SLIT3: variants seen among roughly 807,000 people sequenced by gnomAD.
SLIT3 encodes the protein slit homolog 3 protein.
In SLIT3, 68 loss-of-function variants were observed where a neutral mutation model predicts 184.0. The ratio of observed to expected loss-of-function variants is 0.37; its 90% CI spans 0.30 to 0.45. SLIT3 has a LOEUF of 0.45. Among genes scored for constraint, SLIT3 ranks in the 20% least tolerant of loss-of-function variants. The probability of loss-of-function intolerance (pLI) is 1.00; values close to 1 mark genes in which losing one functional copy is unlikely to be tolerated. For synonymous variants in SLIT3, 831 were observed against 828.6 expected, an observed-to-expected ratio of 1.00 and a Z score of -0.05; for missense variants, 1,707 against 2,026.0, an observed-to-expected ratio of 0.84 and a Z score of 3.02.
intron 13 of SLIT3, 62 bp from the exon 14 acceptor site, chr5:168,773,006 AC>A: frequency 6.7e-7 from 1 of 1,490,714 alleles, no homozygotes; most frequent in Non-Finnish European, 9.0e-7. Flanking sequence ...CACCACCACC[AC>A]CCTGCCTCGC....
chr5:168,850,844 A>G (rs534457300), intron 5 of SLIT3, among the ~76,000 whole-genome samples: 3 of 152,328 alleles, frequency 2.0e-5, no homozygotes, highest in Admixed American at 1.3e-4. Context: ...AATAATGCAA[A>G]CAGCGATGAT....
At chr5:168,967,029 T>C (rs374960937) in intron 4 of SLIT3, among the ~76,000 whole-genome samples, 1 of 152,150 alleles carries the variant, frequency 6.6e-6, no homozygotes, top group Non-Finnish European at 1.5e-5. Context: ...CTTTGGATGA[T>C]GGAAAAAATT....
rs763694667 is a variant in SLIT3 at position 168,666,769 on chromosome 5, T to G, written c.4337-80A>C. 3.1e-6 allele frequency: 5 copies of G among 1,599,634 alleles called. No individual in the cohort carries two copies. In the African/African-American group the frequency reaches 6.7e-5, roughly 21 times the overall value. Reference sequence around the variant, plus strand: ...TGAGCAGTTCCCAGGTAGGCTGCTTTGAAATACTTGTGCTCTGAAGACTGT... The same window carrying G: ...TGAGCAGTTCCCAGGTAGGCTGCTTGGAAATACTTGTGCTCTGAAGACTGT... On this transcript the variant is annotated intron_variant, in intron 35 of 35. Transcript: ENST00000519560.
At chr5:168,919,732 A>C (rs576114076) in intron 4 of SLIT3, among the ~76,000 whole-genome samples, 13 of 152,286 alleles carry the variant, frequency 8.5e-5, no homozygotes, top group Non-Finnish European at 1.6e-4. Context: ...GTTACACTTT[A>C]GTCTTTTCTT....
intron 4 of SLIT3, among the ~76,000 whole-genome samples, chr5:168,962,441 A>G (rs551791731): frequency 2.0e-5 from 3 of 151,998 alleles, no homozygotes; most frequent in Non-Finnish European, 2.9e-5. Context: ...CTCTTGCTCT[A>G]TTTTAGGAGA....
chr5:168,666,270 T>A lies in SLIT3; in HGVS notation c.*184A>T, dbSNP rs1761038477. On this transcript the variant is annotated 3_prime_UTR_variant, in exon 36 of 36. Coordinates refer to ENST00000519560, the MANE Select transcript of SLIT3 (RefSeq NM_003062.4). The stretch of plus-strand genomic sequence containing the variant: ...TTTATATAATAAAAGATGAAAATAG[T>A]CACTTTCCATAATAAAAATAAGTTC... 3.9e-6 allele frequency: 2 copies of A among 509,164 alleles called. No homozygotes were observed. The highest frequency in any genetic ancestry group is 6.6e-6 in the Non-Finnish European group (2 of 302,646). 31.5% of individuals were successfully genotyped at this position (509,164 alleles called of 1,614,324 possible). A position where few individuals can be genotyped will look rare whatever the true frequency, so the allele number is the denominator to read the frequency against.
intron 2 of SLIT3, among the ~76,000 whole-genome samples, chr5:169,248,738 C>T (rs1765679665): frequency 6.6e-6 from 1 of 152,100 alleles, no homozygotes; most frequent in African/African-American, 2.4e-5. Flanking sequence ...AAAGCTGGCT[C>T]CCACATTGTG....
chr5:168,849,073 T>A (rs1758583148), intron 5 of SLIT3, among the ~76,000 whole-genome samples: 1 of 152,180 alleles, frequency 6.6e-6, no homozygotes, highest in East Asian at 1.9e-4. Flanking sequence ...GAATTTTTTT[T>A]AAATTCAGGA....
chr5:168,735,247 GA>G (rs1300581394), intron 20 of SLIT3, among the ~76,000 whole-genome samples: 3 of 152,176 alleles, frequency 2.0e-5, no homozygotes, highest in African/African-American at 7.2e-5. Flanking sequence ...AGATCTCTGT[GA>G]ATGGGTGTTC....
At chr5:169,137,327 C>CAGAG (rs761731942) in intron 4 of SLIT3, among the ~76,000 whole-genome samples, 4 of 87,250 alleles carry the variant, frequency 4.6e-5, no homozygotes, top group Non-Finnish European at 5.2e-5. Context: ...CACACACACA[C>CAGAG]ACACACACAG....
intron 4 of SLIT3, among the ~76,000 whole-genome samples, chr5:169,050,779 A>T (rs1055550878): frequency 2.0e-5 from 3 of 152,026 alleles, no homozygotes; most frequent in African/African-American, 7.3e-5. Context: ...GAGGAAGAAT[A>T]CACATGGAAA....
intron 27 of SLIT3, 41 bp downstream of exon 27, chr5:168,700,541 G>A (rs1358397489): frequency 7.9e-6 from 11 of 1,392,914 alleles, no homozygotes; most frequent in Non-Finnish European, 1.1e-5. Flanking sequence ...CAGTGTGAGA[G>A]CAAACTAATA....
At chr5:168,746,238 T>A (rs1317390160) in intron 20 of SLIT3, among the ~76,000 whole-genome samples, 1 of 150,806 alleles carries the variant, frequency 6.6e-6, no homozygotes, top group Admixed American at 6.6e-5. Context: ...GCAAAAGAGA[T>A]GTCAAAGTCA....
chr5:169,198,655 C>T lies in SLIT3; in HGVS notation c.342-5105G>A, dbSNP rs1464668356. ...TTGAATTTTAAAAAGTTCTCCTGGC[C>T]GGGCGTGGTGGCTCATGCCTGTAAT... On this transcript the variant is annotated intron_variant, in intron 3 of 35. Transcript: ENST00000519560. 1.3e-5 allele frequency among the ~76,000 whole-genome samples: 2 copies of T among 152,058 alleles called. 1 individual carries two copies. The highest frequency in any genetic ancestry group is 4.8e-5 in the African/African-American group (2 of 41,424).
At chr5:169,252,399 C>T (rs935476891) in intron 1 of SLIT3, among the ~76,000 whole-genome samples, 7 of 152,060 alleles carry the variant, frequency 4.6e-5, no homozygotes, top group Non-Finnish European at 7.4e-5. Flanking sequence ...GAAGTGGTGG[C>T]GGTGATATTG....
chr5:168,765,898 C>A (rs1006168153), intron 14 of SLIT3, among the ~76,000 whole-genome samples: 1 of 151,756 alleles, frequency 6.6e-6, no homozygotes, highest in Non-Finnish European at 1.5e-5. Flanking sequence ...ACACTTGGTA[C>A]GTGATCACAG....
Position 168,664,700 on chromosome 5 carries a change from G to T in SLIT3, c.*1754C>A, listed in dbSNP as rs1186120167. On this transcript the variant is annotated 3_prime_UTR_variant, in exon 36 of 36. Coordinates refer to ENST00000519560, the MANE Select transcript of SLIT3 (RefSeq NM_003062.4). ...TCTTCTCCCTGAAACTCCTACAGTGGAAGCTCCTGGGGGAAGGAGGGATGG... is the reference window on the plus strand; with the variant it reads ...TCTTCTCCCTGAAACTCCTACAGTGTAAGCTCCTGGGGGAAGGAGGGATGG... 6.6e-6 allele frequency: 1 copy of T among 152,278 alleles called. No homozygotes were observed. Among genetic ancestry groups the T allele is most frequent in the Non-Finnish European group, 1.5e-5 (1 of 68,126 alleles). The allele number at this position is 152,278 out of a possible 1,614,324, so 9.4% of individuals were successfully genotyped here. A position where few individuals can be genotyped will look rare whatever the true frequency, so the allele number is the denominator to read the frequency against.
At chr5:168,995,906 T>C (rs1292440308) in intron 4 of SLIT3, among the ~76,000 whole-genome samples, 2 of 152,122 alleles carry the variant, frequency 1.3e-5, no homozygotes, top group Non-Finnish European at 2.9e-5. Flanking sequence ...CCTGAGAAGG[T>C]TGGCAATTGT....
intron 5 of SLIT3, among the ~76,000 whole-genome samples, chr5:168,873,638 AAAGAT>A (rs1431134999): frequency 1.3e-5 from 2 of 152,114 alleles, no homozygotes; most frequent in African/African-American, 4.8e-5. Context: ...TCTCTCTCTC[AAAGAT>A]AAGATAATAC....
Sources: gnomAD v4.1 joint callset for allele counts (sites outside exome capture counted in the v4.1 genomes callset) on GRCh38, gnomAD v4.1.1 for gene constraint, MANE v1.5 for transcripts, NCBI Gene and HGNC (gene_info 2026-07-23, HGNC 2026-07-21) for gene names.